Variants in ZNF540 observed in about 807,000 individuals in gnomAD.
ZNF540 encodes the protein zinc finger protein 540, also known as CTD-3064H18.6.
ZNF540 carries 3 observed loss-of-function variants against 11.8 expected under a neutral mutation model. That is an observed-to-expected ratio of 0.25 (90% CI 0.12 to 0.65). The LOEUF (loss-of-function observed/expected upper bound fraction) is 0.65. Ranked by LOEUF, ZNF540 falls within the 30% of genes least tolerant of loss-of-function variation. The probability of loss-of-function intolerance (pLI) is 0.83; values close to 1 mark genes in which losing one functional copy is unlikely to be tolerated. For synonymous variants in ZNF540, 247 were observed against 259.0 expected, an observed-to-expected ratio of 0.95 and a Z score of 0.45; for missense variants, 709 against 793.1, an observed-to-expected ratio of 0.89 and a Z score of 1.27.
At chr19:37,552,961 A>G (rs2042621608) in intron 1 of ZNF540, among the ~76,000 whole-genome samples, 1 of 150,448 alleles carries the variant, frequency 6.6e-6, no homozygotes, top group Admixed American at 6.6e-5. Flanking sequence ...AAAAAAAGAC[A>G]ATTTGTTTTA....
At chr19:37,573,698 G>A (rs186146687) in intron 1 of ZNF540, among the ~76,000 whole-genome samples, 58 of 151,110 alleles carry the variant, frequency 3.8e-4, no homozygotes, top group Middle Eastern at 6.8e-3. Context: ...CGCCATGCAT[G>A]GTGGTGCACA....
chr19:37,589,587 A>C (rs1050247360), intron 1 of ZNF540, among the ~76,000 whole-genome samples: 1 of 152,136 alleles, frequency 6.6e-6, no homozygotes, highest in African/African-American at 2.4e-5. Flanking sequence ...TGAATCCAAT[A>C]TCATTAAGAT....
chr19:37,589,220 A>C (rs2147210477), intron 1 of ZNF540, among the ~76,000 whole-genome samples: 1 of 151,214 alleles, frequency 6.6e-6, no homozygotes. Flanking sequence ...AAAAAAAAAA[A>C]ATCACAAAAA....
At chr19:37,559,712 G>A (rs1333689609) in intron 1 of ZNF540, among the ~76,000 whole-genome samples, 1 of 152,170 alleles carries the variant, frequency 6.6e-6, no homozygotes, top group African/African-American at 2.4e-5. Flanking sequence ...ATATCCCAGT[G>A]AAAACTTATT....
intron 1 of ZNF540, among the ~76,000 whole-genome samples, chr19:37,572,278 T>C (rs2043088338): frequency 6.6e-6 from 1 of 152,228 alleles, no homozygotes; most frequent in Non-Finnish European, 1.5e-5. Context: ...GGTTTTACTT[T>C]GTGTGGTTTC....
chr19:37,577,299 T>C (rs1484893741), intron 1 of ZNF540, among the ~76,000 whole-genome samples: 1 of 152,182 alleles, frequency 6.6e-6, no homozygotes, highest in Non-Finnish European at 1.5e-5. Flanking sequence ...TATGCTTTAA[T>C]AAACCAAAGT....
chr19:37,599,504 C>T (rs2044022799), intron 2 of ZNF540, 122 bp from the exon 3 acceptor site: 2 of 1,133,362 alleles, frequency 1.8e-6, no homozygotes, highest in Admixed American at 2.6e-5. Context: ...CATAAGCTTT[C>T]AGCCCCAGCC....
At chr19:37,560,649 G>T (rs1476277384) in intron 1 of ZNF540, 1 of 152,178 alleles carries the variant, frequency 6.6e-6, no homozygotes, top group Admixed American at 6.5e-5. Context: ...GATTACAGGC[G>T]TGAATGTAAT....
At position 37,613,182 on chromosome 19, in the gene ZNF540, C is replaced by T. The variant is rs769441381; in HGVS notation, c.1902C>T (p.Pro634=). 12 of 1,612,760 alleles carry T rather than the reference C, an allele frequency of 7.4e-6. No homozygotes were observed. Among genetic ancestry groups the T allele is most frequent in the Non-Finnish European group, 1.0e-5 (12 of 1,179,224 alleles). ...EHQRIHTGEK[P]YECKVCRKAF... is the part of the protein sequence containing the mutation. ...AGAGAATTCACACTGGTGAGAAACCCTATGAGTGTAAGGTATGTAGAAAGG... is the reference window on the plus strand; with the variant it reads ...AGAGAATTCACACTGGTGAGAAACCTTATGAGTGTAAGGTATGTAGAAAGG... Residue 634 remains proline, a synonymous_variant, in exon 5 of 5, where the codon CCC becomes CCT. Transcript: ENST00000316433.
At chr19:37,551,841 G>GA in intron 1 of ZNF540, among the ~76,000 whole-genome samples, 1 of 151,892 alleles carries the variant, frequency 6.6e-6, no homozygotes, top group East Asian at 1.9e-4. Context: ...TGTGGGGGGG[G>GA]TGGTGTCTGG....
upstream of ZNF540, among the ~76,000 whole-genome samples, chr19:37,590,347 G>A (rs1363003109): frequency 6.6e-6 from 1 of 151,784 alleles, no homozygotes; most frequent in Non-Finnish European, 1.5e-5. Flanking sequence ...AACCCAGGAG[G>A]CGGAGCTTGC....
At chr19:37,562,812 A>ATATT (rs1441663589) in intron 1 of ZNF540, 1 of 152,228 alleles carries the variant, frequency 6.6e-6, no homozygotes, top group African/African-American at 2.4e-5. Context: ...TTCATGTATT[A>ATATT]TATTTTTCAA....
At chr19:37,564,948 T>C in intron 1 of ZNF540, 1 of 1,613,942 alleles carries the variant, frequency 6.2e-7, no homozygotes, top group Non-Finnish European at 8.5e-7. Context: ...GTATGAATTC[T>C]TTGATGATAT....
intron 4 of ZNF540, among the ~76,000 whole-genome samples, chr19:37,610,484 T>C (rs1330183330): frequency 1.3e-5 from 2 of 152,218 alleles, no homozygotes; most frequent in African/African-American, 2.4e-5. Context: ...ATAAAGGACA[T>C]AGACTGCCTT....
intron 2 of ZNF540, among the ~76,000 whole-genome samples, chr19:37,599,273 TTAAG>T (rs1350941891): frequency 3.3e-5 from 5 of 152,224 alleles, no homozygotes; most frequent in African/African-American, 1.2e-4. Flanking sequence ...GTATTTATTA[TTAAG>T]TAATAATTTA....
In ZNF540 at chr19:37,614,103, A is replaced by G; in HGVS notation, c.*840A>G. 2.7e-6 allele frequency: 1 copy of G among 374,726 alleles called. No homozygotes were observed. Among genetic ancestry groups the G allele is most frequent in the Non-Finnish European group, 4.7e-6 (1 of 211,982 alleles). The allele number at this position is 374,726 out of a possible 1,614,324, so 23.2% of individuals were successfully genotyped here. Reference sequence around the variant, plus strand: ...AACCTCAGTTGTTTATAAGCCACTGAGTCTACGATATTTTGTTATGCAGCC... The same window carrying G: ...AACCTCAGTTGTTTATAAGCCACTGGGTCTACGATATTTTGTTATGCAGCC... On this transcript the variant is annotated 3_prime_UTR_variant, in exon 5 of 5. Coordinates refer to ENST00000316433, the MANE Select transcript of ZNF540 (RefSeq NM_001172225.3).
intron 4 of ZNF540, 78 bp from the exon 5 acceptor site, chr19:37,611,435 C>A: frequency 8.4e-7 from 1 of 1,195,630 alleles, no homozygotes; most frequent in Non-Finnish European, 1.2e-6. Flanking sequence ...CACTTTGTTT[C>A]CTATTTTGAA....
At chr19:37,560,865 G>A (rs1412306887) in intron 1 of ZNF540, 2 of 151,840 alleles carry the variant, frequency 1.3e-5, no homozygotes, top group African/African-American at 2.4e-5. Flanking sequence ...ATAAACATAA[G>A]TGCTGAAAGA....
At chr19:37,594,856 C>G (rs994664796), upstream of ZNF540, 1 of 152,200 alleles carries the variant, frequency 6.6e-6, no homozygotes, top group Non-Finnish European at 1.5e-5. Context: ...CCGGCCGGAT[C>G]GTGTCTGCGC....
Sources: allele counts gnomAD v4.1 joint callset (sites outside exome capture counted in the v4.1 genomes callset), GRCh38; gene constraint gnomAD v4.1.1; transcripts MANE v1.5; gene names NCBI Gene and HGNC (gene_info 2026-07-23, HGNC 2026-07-21).